The following DYM variants were observed in gnomAD, a reference collection of about 807,000 sequenced individuals.
The protein encoded by DYM is dymeclin.
A neutral mutation model predicts 93.1 loss-of-function variants in DYM; 78 were observed. The observed-to-expected ratio is 0.84, with a 90% CI of 0.70 to 1.01. The LOEUF (loss-of-function observed/expected upper bound fraction) is 1.01, where lower values mean the gene tolerates loss of function less well. DYM is among the 50% of genes least tolerant of loss of function. The pLI is 0.00. For missense variants in DYM, 789 were observed against 845.0 expected (o/e 0.93, Z 0.82); for synonymous variants, 321 against 319.7 (o/e 1.00, Z -0.04).
chr18:49,147,306 A>G (rs1359954509), intron 15 of DYM, among the ~76,000 whole-genome samples: 1 of 151,346 alleles, frequency 6.6e-6, no homozygotes, highest in Non-Finnish European at 1.5e-5. Context: ...CATGTCTAAA[A>G]CACCAAAAGC....
Position 49,283,049 on chromosome 18 carries a change from G to T in DYM, c.947-874C>A, listed in dbSNP as rs559111075. Among the ~76,000 whole-genome samples, 13 of 152,298 alleles carry T rather than the reference G, an allele frequency of 8.5e-5. No individual in the cohort carries two copies. In the South Asian group the frequency reaches 2.7e-3, roughly 32 times the overall value. ...GTTGAAAATATTCTAAGTTGAAAATGCATTTAATACACCTAACTTACCAAA... is the reference window on the plus strand; with the variant it reads ...GTTGAAAATATTCTAAGTTGAAAATTCATTTAATACACCTAACTTACCAAA... On this transcript the variant is annotated intron_variant, in intron 9 of 17. Coordinates refer to ENST00000675505, the MANE Select transcript of DYM (RefSeq NM_001353214.3).
At position 49,230,737 on chromosome 18, in the gene DYM, T is replaced by C. The variant is rs780099335; in HGVS notation, c.1461-21022A>G. On this transcript the variant is annotated intron_variant, in intron 13 of 17. Coordinates refer to ENST00000675505, the MANE Select transcript of DYM (RefSeq NM_001353214.3). ...AATATTTAATTCAAAACACTCAGTA[T>C]ACTTGGTTTGGTAGTCTGAGACATA... 3.9e-4 allele frequency among the ~76,000 whole-genome samples: 60 copies of C among 152,208 alleles called. 1 individual carries two copies. Among genetic ancestry groups the C allele is most frequent in the Non-Finnish European group, 7.1e-4 (48 of 68,026 alleles).
At chr18:49,235,445 T>A (rs995649346) in intron 13 of DYM, among the ~76,000 whole-genome samples, 1 of 123,188 alleles carries the variant, frequency 8.1e-6, no homozygotes, top group Non-Finnish European at 1.9e-5. Context: ...TGAAATACTA[T>A]TCAAGTTGTG....
At chr18:49,363,001 C>A (rs1294382485) in intron 6 of DYM, among the ~76,000 whole-genome samples, 160 bp downstream of exon 6, 2 of 152,156 alleles carry the variant, frequency 1.3e-5, no homozygotes, top group Non-Finnish European at 2.9e-5. Context: ...AATAGTCAGT[C>A]TAAATATTAG....
intron 5 of DYM, among the ~76,000 whole-genome samples, chr18:49,367,108 G>T (rs113704684): frequency 0.011 from 1,693 of 152,284 alleles, 28 homozygotes; most frequent in African/African-American, 0.038. Flanking sequence ...GGAGACATCT[G>T]AAGTACTACA....
At chr18:49,291,032 G>A (rs912922804) in intron 8 of DYM, among the ~76,000 whole-genome samples, 4 of 152,088 alleles carry the variant, frequency 2.6e-5, no homozygotes, top group Non-Finnish European at 5.9e-5. Context: ...TGATAATTTT[G>A]GAGGGAAAAA....
At chr18:49,337,375 G>C (rs1370004532) in intron 6 of DYM, among the ~76,000 whole-genome samples, 2 of 152,152 alleles carry the variant, frequency 1.3e-5, no homozygotes, top group Non-Finnish European at 1.5e-5. Context: ...CCATACATGT[G>C]GATTGGATGG....
chr18:49,352,958 C>T (rs564654222), intron 6 of DYM, among the ~76,000 whole-genome samples: 2 of 151,982 alleles, frequency 1.3e-5, no homozygotes, highest in Non-Finnish European at 2.9e-5. Flanking sequence ...ATATTGCTTT[C>T]TCTGTAAATT....
At chr18:49,459,801 T>C (rs1251823392) in intron 1 of DYM, among the ~76,000 whole-genome samples, 1 of 151,994 alleles carries the variant, frequency 6.6e-6, no homozygotes, top group East Asian at 1.9e-4. Context: ...ACACCCACCC[T>C]TTCACTTTTC....
At chr18:49,136,466 A>C (rs899801729) in intron 15 of DYM, among the ~76,000 whole-genome samples, 1 of 152,134 alleles carries the variant, frequency 6.6e-6, no homozygotes, top group Non-Finnish European at 1.5e-5. Flanking sequence ...ATAGGACTTA[A>C]TATGTATAAT....
chr18:49,299,506 T>C (rs2060768433), intron 8 of DYM, among the ~76,000 whole-genome samples: 1 of 152,124 alleles, frequency 6.6e-6, no homozygotes, highest in Non-Finnish European at 1.5e-5. Flanking sequence ...TCCTTTACGA[T>C]ATACAGACTT....
chr18:49,293,068 C>G (rs977605973), intron 8 of DYM, among the ~76,000 whole-genome samples: 11 of 152,218 alleles, frequency 7.2e-5, no homozygotes, highest in African/African-American at 2.6e-4. Flanking sequence ...TTAGTGAGAT[C>G]ATGAAGTGTT....
intron 10 of DYM, among the ~76,000 whole-genome samples, chr18:49,281,667 G>A (rs1262896731): frequency 6.6e-6 from 1 of 152,160 alleles, no homozygotes; most frequent in African/African-American, 2.4e-5. Context: ...CATGGATGAA[G>A]CTGGAAACCA....
In DYM at chr18:49,043,800, T is replaced by A; in HGVS notation, c.*255A>T. The A allele has an allele frequency of 2.0e-6, 1 of 497,540 alleles. No individual in the cohort carries two copies. The highest frequency in any genetic ancestry group is 3.6e-6 in the Non-Finnish European group (1 of 276,296). 30.8% of individuals were successfully genotyped at this position (497,540 alleles called of 1,614,324 possible). A position where few individuals can be genotyped will look rare whatever the true frequency, so the allele number is the denominator to read the frequency against. On this transcript the variant is annotated 3_prime_UTR_variant, in exon 18 of 18. Coordinates refer to ENST00000675505, the MANE Select transcript of DYM (RefSeq NM_001353214.3). ...TTTTTGGCTTCGAAATAAAACTGCA[T>A]GTTGAATAGCAGGTTTTTACATTTA...
chr18:49,373,323 G>A (rs1182548626), intron 5 of DYM, among the ~76,000 whole-genome samples: 1 of 152,088 alleles, frequency 6.6e-6, no homozygotes, highest in East Asian at 1.9e-4. Flanking sequence ...GCAGTCCCCA[G>A]GGCTGCCAGT....
At chr18:49,296,328 T>C (rs1296820997) in intron 8 of DYM, among the ~76,000 whole-genome samples, 2 of 152,250 alleles carry the variant, frequency 1.3e-5, no homozygotes, top group Non-Finnish European at 2.9e-5. Context: ...GACCAATCTA[T>C]ACTTTACCAC....
intron 14 of DYM, among the ~76,000 whole-genome samples, chr18:49,179,320 A>AATAG (rs2089695873): frequency 6.6e-6 from 1 of 152,144 alleles, no homozygotes; most frequent in Admixed American, 6.6e-5. Context: ...AGATTTGACC[A>AATAG]ATATTCAGTA....
intron 13 of DYM, among the ~76,000 whole-genome samples, chr18:49,242,936 G>A (rs561075860): frequency 2.0e-5 from 3 of 152,176 alleles, no homozygotes; most frequent in African/African-American, 4.8e-5. Flanking sequence ...TCCTGACCTC[G>A]TGATCCACCC....
intron 6 of DYM, among the ~76,000 whole-genome samples, chr18:49,335,903 T>C (rs968330970): frequency 3.9e-4 from 59 of 151,840 alleles, no homozygotes; most frequent in Admixed American, 3.1e-3. Context: ...AACCTCCACC[T>C]CCCAGGCTCA....
Sources: gnomAD v4.1 joint callset for allele counts (sites outside exome capture counted in the v4.1 genomes callset) on GRCh38, gnomAD v4.1.1 for gene constraint, MANE v1.5 for transcripts, NCBI Gene and HGNC (gene_info 2026-07-23, HGNC 2026-07-21) for gene names.